Variants in NSD2 observed in about 807,000 individuals in gnomAD.
The protein encoded by NSD2 is nuclear receptor binding SET domain protein 2.
Under a neutral mutation model 139.0 loss-of-function variants are expected in NSD2, and 12 were observed. That is an observed-to-expected ratio of 0.09 (90% CI 0.06 to 0.14). The LOEUF is 0.14. Ranked by LOEUF, NSD2 falls within the 10% of genes least tolerant of loss-of-function variation. The probability of loss-of-function intolerance (pLI) is 1.00; values close to 1 mark genes in which losing one functional copy is unlikely to be tolerated. For missense variants in NSD2, 1,155 were observed against 1,745.0 expected (o/e 0.66, Z 6.02); for synonymous variants, 669 against 648.7 (o/e 1.03, Z -0.48).
At chr4:1,907,538 GTAA>G (rs1560610780) in intron 3 of NSD2, among the ~76,000 whole-genome samples, 1 of 148,346 alleles carries the variant, frequency 6.7e-6, no homozygotes, top group Non-Finnish European at 1.5e-5. Context: ...TCAAGTCAAA[GTAA>G]AACAGCACAG....
At chr4:1,971,024 C>CA (rs1024784438) in intron 18 of NSD2, among the ~76,000 whole-genome samples, 1 of 152,222 alleles carries the variant, frequency 6.6e-6, no homozygotes, top group African/African-American at 2.4e-5. Context: ...GAATTCTCTG[C>CA]AGCATGCAAG....
At position 1,958,140 on chromosome 4, in the gene NSD2, C is replaced by T; in HGVS notation, c.2985+104C>T. 1.7e-6 allele frequency: 2 copies of T among 1,172,438 alleles called. No homozygotes were observed. Among genetic ancestry groups the T allele is most frequent in the Non-Finnish European group, 2.5e-6 (2 of 814,382 alleles). The allele number at this position is 1,172,438 out of a possible 1,614,324, so 72.6% of individuals were successfully genotyped here. On this transcript the variant is annotated intron_variant, in intron 16 of 21. Transcript: ENST00000508803. The surrounding 1 kb of genome is among the most constrained non-coding windows in gnomAD (Gnocchi z 4.6). ...GCTATGGCTGGGGAGAGGACTGTCA[C>T]CAGCCAGGATCTGTGGTGCCTGGCA... is the stretch of plus-strand genomic sequence containing the variant.
intron 9 of NSD2, chr4:1,941,491 T>C: frequency 1.9e-6 from 2 of 1,046,664 alleles, no homozygotes; most frequent in South Asian, 9.2e-5. Context: ...CTCCCTGGCC[T>C]AGGCAGTTGT....
In NSD2 at chr4:1,872,617, AGAGAGAGAGAGAGAGAGAGC is replaced by A. The variant is rs1187280668; in HGVS notation, c.-30+1077_-30+1096del. Among the ~76,000 whole-genome samples, 36 of 145,956 alleles carry A rather than the reference AGAGAGAGAGAGAGAGAGAGC, an allele frequency of 2.5e-4. No homozygotes were observed. The East Asian group carries it at 3.9e-3, about 16-fold the overall frequency. On this transcript the variant is annotated intron_variant, in intron 1 of 21. Transcript: ENST00000508803. ...GAGAGAGAGAGAGAGAGAGAGAGAGAGAGAGAGAGAGAGAGAGAGCGCGCAGACCCTGTGAAGACAAGACT... is the reference window on the plus strand; with the variant it reads ...GAGAGAGAGAGAGAGAGAGAGAGAGAGCGCAGACCCTGTGAAGACAAGACT...
rs917471314 is a variant in NSD2 at position 1,976,082 on chromosome 4, C to T, written c.3622-393C>T. The stretch of plus-strand genomic sequence containing the variant: ...ATGGTCACTGCCCTCAGGTCACTGC[C>T]GCCCACCTGTGCCCACGTTCCTGTG... On this transcript the variant is annotated intron_variant, in intron 20 of 21. Coordinates refer to ENST00000508803, the MANE Select transcript of NSD2 (RefSeq NM_001042424.3). The surrounding 1 kb of genome is among the most constrained non-coding windows in gnomAD (Gnocchi z 5.3). Among the ~76,000 whole-genome samples the T allele has an allele frequency of 2.0e-5, 3 of 152,144 alleles. No homozygotes were observed. The highest frequency in any genetic ancestry group is 6.5e-5 in the Admixed American group (1 of 15,270).
intron 1 of NSD2, among the ~76,000 whole-genome samples, chr4:1,891,538 C>T (rs1171730815): frequency 6.6e-6 from 1 of 152,016 alleles, no homozygotes; most frequent in Non-Finnish European, 1.5e-5. Context: ...GCAGTGAGGC[C>T]TACTGTGTCT....
chr4:1,903,263 G>C (rs2108753709), intron 2 of NSD2, among the ~76,000 whole-genome samples: 1 of 152,214 alleles, frequency 6.6e-6, no homozygotes, highest in East Asian at 1.9e-4. Flanking sequence ...CACCCTTGGA[G>C]GGTTGGGGCC....
At chr4:1,904,607 GC>G (rs1183860468) in intron 3 of NSD2, among the ~76,000 whole-genome samples, 6 of 152,136 alleles carry the variant, frequency 3.9e-5, no homozygotes, top group Admixed American at 2.0e-4. Flanking sequence ...CATGACCTTT[GC>G]CTTGTATAAC....
chr4:1,951,787 A>G (rs1302442270), intron 10 of NSD2, among the ~76,000 whole-genome samples: 1 of 151,474 alleles, frequency 6.6e-6, no homozygotes, highest in East Asian at 1.9e-4. Context: ...TGCCATCTGG[A>G]TTAGGGTGCC....
Position 1,955,737 on chromosome 4 carries a change from C to T in NSD2, c.2563C>T (p.Pro855Ser), listed in dbSNP as rs1724747675. Reference protein sequence around the residue: ...CCESCPAAFHPDCLNIEMPDG... With the variant: ...CCESCPAAFHSDCLNIEMPDG... ...TGAGTCCTGCCCAGCGGCCTTCCAC[C>T]CTGACTGCCTGAACATCGAGATGCC... is the stretch of plus-strand genomic sequence containing the variant. Residue 855 changes from proline to serine, a missense_variant, in exon 14 of 22, where the codon CCT becomes TCT. This residue lies in a region of NSD2 where 139 missense variants were observed against 485.8 expected (regional missense o/e 0.29). Coordinates refer to ENST00000508803, the MANE Select transcript of NSD2 (RefSeq NM_001042424.3). The surrounding 1 kb of genome is among the most constrained non-coding windows in gnomAD (Gnocchi z 4.7). 6 of 1,613,958 alleles carry T rather than the reference C, an allele frequency of 3.7e-6. No individual in the cohort carries two copies. The highest frequency in any genetic ancestry group is 1.3e-5 in the African/African-American group (1 of 74,942).
intron 5 of NSD2, among the ~76,000 whole-genome samples, chr4:1,921,886 C>G (rs1449996000): frequency 6.6e-6 from 1 of 151,818 alleles, no homozygotes; most frequent in African/African-American, 2.4e-5. Flanking sequence ...CGGTGGCTCA[C>G]GCCTGTAATC....
chr4:1,898,466 C>A (rs1473038221), intron 1 of NSD2, among the ~76,000 whole-genome samples: 1 of 152,022 alleles, frequency 6.6e-6, no homozygotes, highest in South Asian at 2.1e-4. Context: ...AGATCGAGAC[C>A]ATCCTGGGTA....
intron 15 of NSD2, among the ~76,000 whole-genome samples, chr4:1,957,583 C>T (rs920179912): frequency 2.6e-5 from 4 of 152,046 alleles, no homozygotes; most frequent in Non-Finnish European, 5.9e-5. Flanking sequence ...CCACTGCACC[C>T]GGCCTCAGGT....
chr4:1,920,713 GTGACA>G (rs1720003301), intron 5 of NSD2, among the ~76,000 whole-genome samples: 1 of 151,768 alleles, frequency 6.6e-6, no homozygotes, highest in Non-Finnish European at 1.5e-5. Context: ...TCCAGCTTAG[GTGACA>G]GAGTGAGACT....
intron 6 of NSD2, among the ~76,000 whole-genome samples, chr4:1,934,788 C>T (rs1402013764): frequency 7.8e-6 from 1 of 128,482 alleles, no homozygotes; most frequent in Non-Finnish European, 1.6e-5. Flanking sequence ...GCGGAGGTTG[C>T]AGTGAGCTGA....
In NSD2 at chr4:1,981,546, G is replaced by C. The variant is rs1474976151; in HGVS notation, c.*2637G>C. 1.3e-5 allele frequency: 4 copies of C among 308,240 alleles called. No individual in the cohort carries two copies. The East Asian group carries it at 1.4e-4, about 11-fold the overall frequency. 19.1% of individuals were successfully genotyped at this position (308,240 alleles called of 1,614,324 possible). A position where few individuals can be genotyped will look rare whatever the true frequency, so the allele number is the denominator to read the frequency against. On this transcript the variant is annotated 3_prime_UTR_variant, in exon 22 of 22. Transcript: ENST00000508803. ...CATACCCACCCGTGTGCGCCCACAG[G>C]GGGATGTGTCCGAATGGGCAGCTTA...
intron 12 of NSD2, among the ~76,000 whole-genome samples, chr4:1,954,924 G>A (rs1329962723): frequency 6.6e-6 from 1 of 152,144 alleles, no homozygotes; most frequent in Non-Finnish European, 1.5e-5. Context: ...CTGCCCACGT[G>A]CCCCAGGTGC....
chr4:1,942,047 C>T lies in NSD2; in HGVS notation c.1881+2269C>T, dbSNP rs1227866838. 11 of 1,156,114 alleles carry T rather than the reference C, an allele frequency of 9.5e-6. No homozygotes were observed. The highest frequency in any genetic ancestry group is 1.1e-5 in the Non-Finnish European group (10 of 933,864). 71.6% of individuals were successfully genotyped at this position (1,156,114 alleles called of 1,614,324 possible). A position where few individuals can be genotyped will look rare whatever the true frequency, so the allele number is the denominator to read the frequency against. ...TTGCATGTTTGTATTTCCTCCCTTT[C>T]ATCACATTTGTTTGAAATAAGGTAC... On this transcript the variant is annotated intron_variant, in intron 9 of 21. Transcript: ENST00000508803. This position sits in a 1 kb window ranked among gnomAD's most constrained non-coding sequence, Gnocchi z 4.0.
chr4:1,897,362 A>G (rs1180735016), intron 1 of NSD2, among the ~76,000 whole-genome samples: 3 of 151,998 alleles, frequency 2.0e-5, no homozygotes, highest in Non-Finnish European at 2.9e-5. Context: ...GGGTGCACCT[A>G]TAGTCCCAGC....
Sources: gnomAD v4.1 joint callset for allele counts (sites outside exome capture counted in the v4.1 genomes callset) on GRCh38, gnomAD v4.1.1 for gene constraint, gnomAD v4.1.1 regional missense constraint, Gnocchi (gnomAD v3.1) non-coding constraint, MANE v1.5 for transcripts, NCBI Gene and HGNC (gene_info 2026-07-23, HGNC 2026-07-21) for gene names.